KIAA1671: variants seen among roughly 807,000 people sequenced by gnomAD.
KIAA1671 encodes KIAA1671.
In KIAA1671, 52 loss-of-function variants were observed where a neutral mutation model predicts 131.2. That is an observed-to-expected ratio of 0.40 (90% confidence interval 0.32 to 0.50). The LOEUF is 0.50. Ranked by LOEUF, KIAA1671 falls within the 20% of genes least tolerant of loss-of-function variation. The probability of loss-of-function intolerance (pLI) is 0.73; values close to 1 mark genes in which losing one functional copy is unlikely to be tolerated. For missense variants in KIAA1671, 2,360 were observed against 2,364.2 expected, an observed-to-expected ratio of 1.00 and a Z score of 0.04; for synonymous variants, 1,003 against 961.6, an observed-to-expected ratio of 1.04 and a Z score of -0.80.
chr22:24,973,778 A>G lies in KIAA1671; in HGVS notation c.-208+21006A>G, dbSNP rs536072884. On this transcript the variant is annotated intron_variant, in intron 1 of 12. Transcript: ENST00000358431. ...AATATGAAGCTCCAGGAGGGCAGGGACTTTGCTCCCTGCCATGTCCCAAGT... is the reference window on the plus strand; with the variant it reads ...AATATGAAGCTCCAGGAGGGCAGGGGCTTTGCTCCCTGCCATGTCCCAAGT... Among the ~76,000 whole-genome samples the G allele has an allele frequency of 2.6e-5, 4 of 152,242 alleles. No homozygotes were observed. In the South Asian group the frequency reaches 8.3e-4, roughly 32 times the overall value.
At chr22:25,140,606 A>G (rs780756151) in intron 6 of KIAA1671, among the ~76,000 whole-genome samples, 2 of 152,172 alleles carry the variant, frequency 1.3e-5, no homozygotes, top group African/African-American at 4.8e-5. Context: ...GGGCTCACAC[A>G]GGGCGTGAAC....
intron 6 of KIAA1671, among the ~76,000 whole-genome samples, chr22:25,109,359 C>A (rs896670412): frequency 1.4e-4 from 22 of 152,126 alleles, no homozygotes; most frequent in Non-Finnish European, 2.4e-4. Context: ...CCACCCGCCT[C>A]GGCCTCCCAA....
intron 6 of KIAA1671, among the ~76,000 whole-genome samples, chr22:25,084,437 G>T (rs1488209368): frequency 7.5e-6 from 1 of 132,460 alleles, no homozygotes; most frequent in Non-Finnish European, 1.5e-5. Context: ...CAGCCTCAGC[G>T]ACAGAGCAAG....
chr22:25,140,609 G>T (rs1182959167), intron 6 of KIAA1671, among the ~76,000 whole-genome samples: 1 of 152,188 alleles, frequency 6.6e-6, no homozygotes, highest in Non-Finnish European at 1.5e-5. Flanking sequence ...CTCACACAGG[G>T]CGTGAACACC....
chr22:25,057,681 G>A (rs1233344746), intron 6 of KIAA1671: 1 of 131,690 alleles, frequency 7.6e-6, no homozygotes, highest in African/African-American at 2.9e-5. Context: ...GTCTCACTCT[G>A]TTGCCCAGGC....
At chr22:25,018,080 C>T (rs5996814) in intron 1 of KIAA1671, among the ~76,000 whole-genome samples, 73,137 of 150,980 alleles carry the variant, frequency 0.48, 17,697 homozygotes, top group Middle Eastern at 0.54. Flanking sequence ...AGTTGCGATA[C>T]CTTCTCTTCT....
chr22:24,981,616 A>G (rs1236397661), intron 1 of KIAA1671, among the ~76,000 whole-genome samples: 1 of 152,150 alleles, frequency 6.6e-6, no homozygotes, highest in Non-Finnish European at 1.5e-5. Flanking sequence ...TCTGTATTCA[A>G]AAGGAAAACT....
chr22:25,087,514 C>T (rs527362252), intron 6 of KIAA1671, among the ~76,000 whole-genome samples: 2 of 152,196 alleles, frequency 1.3e-5, no homozygotes, highest in East Asian at 1.9e-4. Flanking sequence ...ACCTAGGAGG[C>T]GGAGGTTGCA....
At chr22:24,964,656 C>T (rs1215329523) in intron 1 of KIAA1671, among the ~76,000 whole-genome samples, 2 of 152,158 alleles carry the variant, frequency 1.3e-5, no homozygotes, top group East Asian at 1.9e-4. Flanking sequence ...CTCCTAGTCT[C>T]AAGTGATTCT....
chr22:25,100,099 C>T (rs900315182), intron 6 of KIAA1671, among the ~76,000 whole-genome samples: 11 of 152,158 alleles, frequency 7.2e-5, no homozygotes, highest in Non-Finnish European at 1.3e-4. Flanking sequence ...CTGGGTAACC[C>T]CCTTGGGGAA....
chr22:25,070,428 G>A (rs6004422), intron 6 of KIAA1671: 2 of 474,450 alleles, frequency 4.2e-6, no homozygotes, highest in South Asian at 4.7e-5. Flanking sequence ...TGAGTGGCGG[G>A]GGGCAGTGCA....
intron 6 of KIAA1671, among the ~76,000 whole-genome samples, chr22:25,156,369 G>A (rs1196522009): frequency 6.6e-6 from 1 of 151,870 alleles, no homozygotes; most frequent in East Asian, 1.9e-4. Flanking sequence ...ATATATGTGT[G>A]TATTTGTGTG....
rs148912411 is a variant in KIAA1671 at position 24,994,114 on chromosome 22, A to G, written c.-207-31519A>G. Among the ~76,000 whole-genome samples the G allele has an allele frequency of 5.7e-3, 870 of 152,286 alleles. 8 individuals carry two copies. Among genetic ancestry groups the G allele is most frequent in the Non-Finnish European group, 9.3e-3 (633 of 68,022 alleles). On this transcript the variant is annotated intron_variant, in intron 1 of 12. Transcript: ENST00000358431. The stretch of plus-strand genomic sequence containing the variant: ...GAAAAAAAAAAATTCAGCAAGTGCA[A>G]GTGTTACAACCTCATCATCTTGGTA...
intron 6 of KIAA1671, among the ~76,000 whole-genome samples, chr22:25,117,167 C>T (rs531872397): frequency 6.6e-6 from 1 of 152,254 alleles, no homozygotes; most frequent in East Asian, 1.9e-4. Flanking sequence ...TTTGAGAACA[C>T]TGTCGTATAT....
At chr22:25,080,769 G>A (rs1370717648) in intron 6 of KIAA1671, among the ~76,000 whole-genome samples, 2 of 152,164 alleles carry the variant, frequency 1.3e-5, no homozygotes, top group Non-Finnish European at 2.9e-5. Context: ...CCACTGCCCT[G>A]CCTGTTAGTC....
At chr22:24,956,987 G>A (rs910429865) in intron 1 of KIAA1671, among the ~76,000 whole-genome samples, 12 of 152,102 alleles carry the variant, frequency 7.9e-5, no homozygotes, top group East Asian at 1.9e-4. Context: ...TTTGAGACTC[G>A]ACTTCCCTAT....
At chr22:25,068,344 A>G (rs984459240) in intron 6 of KIAA1671, among the ~76,000 whole-genome samples, 4 of 152,258 alleles carry the variant, frequency 2.6e-5, no homozygotes, top group South Asian at 4.1e-4. Context: ...CTGAGAATCA[A>G]TGAAACCACA....
At chr22:24,965,942 G>A (rs914496616) in intron 1 of KIAA1671, among the ~76,000 whole-genome samples, 2 of 152,168 alleles carry the variant, frequency 1.3e-5, no homozygotes, top group East Asian at 3.8e-4. Flanking sequence ...CTCTGACATA[G>A]ATTTTGTGTG....
intron 6 of KIAA1671, among the ~76,000 whole-genome samples, chr22:25,085,497 G>A (rs944983706): frequency 6.7e-6 from 1 of 148,868 alleles, no homozygotes; most frequent in African/African-American, 2.4e-5. Flanking sequence ...AGTGTGCTGA[G>A]GGGCCCCCAC....
Sources: allele counts gnomAD v4.1 joint callset (sites outside exome capture counted in the v4.1 genomes callset), GRCh38; gene constraint gnomAD v4.1.1; transcripts MANE v1.5; gene names NCBI Gene and HGNC (gene_info 2026-07-23, HGNC 2026-07-21).